Variants in OSGEPL1 observed in about 807,000 individuals in gnomAD.
The protein encoded by OSGEPL1 is O-sialoglycoprotein endopeptidase like 1.
OSGEPL1 carries 26 observed loss-of-function variants against 37.2 expected under a neutral mutation model. The observed-to-expected ratio is 0.70, with a 90% CI of 0.51 to 0.97. The LOEUF is 0.97. OSGEPL1 is among the 50% of genes least tolerant of loss of function. The pLI is 0.00. For synonymous variants in OSGEPL1, 140 were observed against 159.9 expected, an observed-to-expected ratio of 0.88 and a Z score of 0.94; for missense variants, 404 against 487.0, an observed-to-expected ratio of 0.83 and a Z score of 1.60.
upstream of OSGEPL1, chr2:189,762,983 C>T: frequency 3.0e-6 from 3 of 985,304 alleles, no homozygotes; most frequent in Non-Finnish European, 3.6e-6. Context: ...CCAGCGGAGG[C>T]CGAATACAGG....
chr2:189,752,601 C>T, intron 7 of OSGEPL1, 52 bp downstream of exon 7: 1 of 1,577,832 alleles, frequency 6.3e-7, no homozygotes, highest in Middle Eastern at 1.7e-4. Context: ...AAAATCCAGG[C>T]TTTGTCTTAA....
In OSGEPL1 at chr2:189,755,540, G is replaced by A. The variant is rs2045948906; in HGVS notation, c.242C>T (p.Pro81Leu). 1 of 1,597,870 alleles carries A rather than the reference G, an allele frequency of 6.3e-7. No individual in the cohort carries two copies. The highest frequency in any genetic ancestry group is 8.5e-7 in the Non-Finnish European group (1 of 1,175,780). The change falls in exon 3 of 9, where the codon CCA becomes CTA. Residue 81 changes from proline to leucine, a missense_variant. Transcript: ENST00000264151. ...VHLKTGGIVP[P>L]AAQQLHRENI... ...TTCTCTGTGAAGCTGTTGAGCTGCT[G>A]GAGGAACAATCCCACCTGTTCTGAA...
chr2:189,755,175 T>C lies in OSGEPL1; in HGVS notation c.607A>G (p.Lys203Glu). Reference sequence around the variant, plus strand: ...TGGAGAAATTAATTCTTAATTACCTTGTCAAGCATGTCACCTGGTGCTATG... The same window carrying C: ...TGGAGAAATTAATTCTTAATTACCTCGTCAAGCATGTCACCTGGTGCTATG... The part of the protein sequence containing the change: ...LDIAPGDMLD[K>E]VARRLSLIKH... Residue 203 changes from lysine to glutamate, a missense_variant and splice_region_variant, in exon 3 of 9, where the codon AAG (lysine) becomes GAG (glutamate). Physicochemically the swap from Lys to Glu is moderately conservative, Grantham distance 56. Coordinates refer to ENST00000264151, the MANE Select transcript of OSGEPL1 (RefSeq NM_022353.3). 6.3e-7 allele frequency: 1 copy of C among 1,599,974 alleles called. No individual in the cohort carries two copies. The highest frequency in any genetic ancestry group is 8.5e-7 in the Non-Finnish European group (1 of 1,176,774).
intron 1 of OSGEPL1, among the ~76,000 whole-genome samples, 174 bp from the exon 2 acceptor site, chr2:189,761,834 A>T (rs2047107055): frequency 6.6e-6 from 1 of 152,186 alleles, no homozygotes; most frequent in African/African-American, 2.4e-5. Flanking sequence ...AATGTTCTCC[A>T]AGGGGGAAAA....
intron 1 of OSGEPL1, 156 bp downstream of exon 1, chr2:189,762,529 T>C (rs2047255548): frequency 8.8e-6 from 8 of 911,162 alleles, no homozygotes; most frequent in Non-Finnish European, 1.0e-5. Flanking sequence ...TACGAAGCAC[T>C]ACCCTTTCGG....
rs780894200 is a variant in OSGEPL1, at chr2:189,754,160, CATT to C, written c.792_794del (p.Ile264del). 3 of 1,610,384 alleles carry C rather than the reference CATT, an allele frequency of 1.9e-6. No homozygotes were observed. Among genetic ancestry groups the C allele is most frequent in the Admixed American group, 3.4e-5 (2 of 59,090 alleles). On this transcript the variant is annotated inframe_deletion, in exon 4 of 9. Transcript: ENST00000264151. The stretch of plus-strand genomic sequence containing the variant: ...ATATACCTTCCTCTTTTTCCTTTTT[CATT>C]ATTATTTTATCAGTAACGTGTTGAA...
At chr2:189,752,267 T>A (rs747529823) in intron 7 of OSGEPL1, among the ~76,000 whole-genome samples, 1 of 152,220 alleles carries the variant, frequency 6.6e-6, no homozygotes, top group Non-Finnish European at 1.5e-5. Flanking sequence ...AAGAGCATAA[T>A]CACAACCCAC....
At chr2:189,755,139 AC>A in intron 3 of OSGEPL1, 33 bp downstream of exon 3, 1 of 1,587,926 alleles carries the variant, frequency 6.3e-7, no homozygotes, top group Non-Finnish European at 8.5e-7. Flanking sequence ...GGACAACATA[AC>A]AAAAAAGAAT....
chr2:189,755,563 G>C lies in OSGEPL1; in HGVS notation c.222-3C>G, dbSNP rs764292642. On this transcript the variant is annotated splice_region_variant and splice_polypyrimidine_tract_variant and intron_variant, in intron 2 of 8. Transcript: ENST00000264151. ...CTGGAGGAACAATCCCACCTGTTCTGAAAGAAAGAAAGACAGCATTTTGTA... is the reference window on the plus strand; with the variant it reads ...CTGGAGGAACAATCCCACCTGTTCTCAAAGAAAGAAAGACAGCATTTTGTA... The C allele has an allele frequency of 1.3e-6, 2 of 1,572,158 alleles. No individual in the cohort carries two copies. The highest frequency in any genetic ancestry group is 4.4e-5 in the Admixed American group (2 of 45,538).
At chr2:189,757,901 C>G (rs1024107827) in intron 2 of OSGEPL1, among the ~76,000 whole-genome samples, 2 of 152,180 alleles carry the variant, frequency 1.3e-5, no homozygotes, top group Non-Finnish European at 2.9e-5. Context: ...TTTCTCACTT[C>G]TTTGTCTTTG....
At chr2:189,760,112 A>G (rs1376822448) in intron 2 of OSGEPL1, among the ~76,000 whole-genome samples, 2 of 152,156 alleles carry the variant, frequency 1.3e-5, no homozygotes, top group Non-Finnish European at 1.5e-5. Flanking sequence ...AGGCAGAAGG[A>G]TTTTTCTTAG....
Position 189,746,670 on chromosome 2 carries a change from A to G in OSGEPL1, c.*527T>C. 6.5e-7 allele frequency: 1 copy of G among 1,529,940 alleles called. No individual in the cohort carries two copies. The highest frequency in any genetic ancestry group is 8.7e-7 in the Non-Finnish European group (1 of 1,145,298). The allele number at this position is 1,529,940 out of a possible 1,614,324, so 94.8% of individuals were successfully genotyped here. A position where few individuals can be genotyped will look rare whatever the true frequency, so the allele number is the denominator to read the frequency against. On this transcript the variant is annotated 3_prime_UTR_variant, in exon 9 of 9. Transcript: ENST00000264151. ...AAAGGATTCCTGAGCCATCTTTTAA[A>G]AATTTTTTTATTTTTAATAATGGTA... is the stretch of plus-strand genomic sequence containing the variant.
Position 189,750,652 on chromosome 2 carries a change from G to A in OSGEPL1, c.1171C>T (p.Pro391Ser). 6.3e-7 allele frequency: 1 copy of A among 1,577,968 alleles called. No individual in the cohort carries two copies. The highest frequency in any genetic ancestry group is 8.6e-7 in the Non-Finnish European group (1 of 1,162,698). ...TCTTTTGATATGTCTACTCCAAGAGGACATCTACATCATAAGCAGACAAAT... is the reference window on the plus strand; with the variant it reads ...TCTTTTGATATGTCTACTCCAAGAGAACATCTACATCATAAGCAGACAAAT... ...IEGIRYEPKC[P>S]LGVDISKEVG... The change falls in exon 8 of 9, where the codon CCT becomes TCT. Residue 391 changes from proline to serine, a missense_variant. Physicochemically the swap from Pro to Ser is moderately conservative, Grantham distance 74. Transcript: ENST00000264151.
intron 2 of OSGEPL1, among the ~76,000 whole-genome samples, chr2:189,759,888 A>G (rs112945032): frequency 0.038 from 5,732 of 152,246 alleles, 158 homozygotes; most frequent in African/African-American, 0.067. Flanking sequence ...TGGTTTTCCT[A>G]GGCAGAGGAC....
At chr2:189,762,417 G>A (rs954812705) in intron 1 of OSGEPL1, 2 of 212,248 alleles carry the variant, frequency 9.4e-6, no homozygotes, top group Non-Finnish European at 8.1e-6. Context: ...GATTAGAGAT[G>A]AGCGACCTAT....
chr2:189,748,350 C>G (rs2044491719), intron 8 of OSGEPL1, among the ~76,000 whole-genome samples: 1 of 152,172 alleles, frequency 6.6e-6, no homozygotes, highest in Admixed American at 6.6e-5. Flanking sequence ...GCTACAGGTT[C>G]TCAGTCTTTG....
chr2:189,750,611 G>A lies in OSGEPL1; in HGVS notation c.1212C>T (p.Ser404=). ...CCATTTTTAATTGTGGTACTTTTAT[G>A]GAAGCTTCTCCAACTTCTTTTGATA... ...VDISKEVGEA[S]IKVPQLKMEI The change falls in exon 8 of 9, where the codon TCC becomes TCT. Residue 404 remains serine, a synonymous_variant. Coordinates refer to ENST00000264151, the MANE Select transcript of OSGEPL1 (RefSeq NM_022353.3). The A allele has an allele frequency of 1.3e-6, 2 of 1,592,094 alleles. No individual in the cohort carries two copies. Among genetic ancestry groups the A allele is most frequent in the South Asian group, 1.1e-5 (1 of 87,418 alleles).
chr2:189,753,369 T>C (rs2045587817), intron 5 of OSGEPL1, among the ~76,000 whole-genome samples: 1 of 152,196 alleles, frequency 6.6e-6, no homozygotes, highest in African/African-American at 2.4e-5. Context: ...TTAAACATTT[T>C]CCCACTTTAG....
chr2:189,752,857 C>A lies in OSGEPL1; in HGVS notation c.1086G>T (p.Met362Ile), dbSNP rs1262264684. 1 of 1,613,468 alleles carries A rather than the reference C, an allele frequency of 6.2e-7. No homozygotes were observed. The highest frequency in any genetic ancestry group is 1.3e-5 in the African/African-American group (1 of 74,896). The change falls in exon 6 of 9, where the codon ATG becomes ATT. Residue 362 changes from methionine (M) to isoleucine (I), a missense_variant. Transcript: ENST00000264151. The part of the protein sequence containing the change: ...PPRLCTDNGI[M>I]IAWNGIERLR... Reference sequence around the variant, plus strand: ...TATATCCTGTGGCTTACCATGCAATCATAATGCCATTATCAGTGCATAGTC... The same window carrying A: ...TATATCCTGTGGCTTACCATGCAATAATAATGCCATTATCAGTGCATAGTC...
Sources: allele counts gnomAD v4.1 joint callset (sites outside exome capture counted in the v4.1 genomes callset), GRCh38; gene constraint gnomAD v4.1.1; transcripts MANE v1.5; gene names NCBI Gene and HGNC (gene_info 2026-07-23, HGNC 2026-07-21).